TLL2: variants seen among roughly 807,000 people sequenced by gnomAD.
TLL2 encodes tolloid-like protein 2.
TLL2 carries 106 observed loss-of-function variants against 123.0 expected under a neutral mutation model. That is an observed-to-expected ratio of 0.86 (90% confidence interval 0.74 to 1.01). The LOEUF is 1.01. Among genes scored for constraint, TLL2 ranks in the 50% least tolerant of loss-of-function variants. The pLI is 0.00. For missense variants in TLL2, 1,332 were observed against 1,336.7 expected (o/e 1.00, Z 0.06); for synonymous variants, 494 against 516.8 (o/e 0.96, Z 0.60).
chr10:96,440,978 C>G (rs573440971), intron 3 of TLL2, among the ~76,000 whole-genome samples: 1 of 152,124 alleles, frequency 6.6e-6, no homozygotes, highest in East Asian at 1.9e-4. Flanking sequence ...GCCAAGAGTC[C>G]TGCATTTGAA....
intron 1 of TLL2, 85 bp downstream of exon 1, chr10:96,513,426 A>C (rs1051375419): frequency 6.2e-5 from 96 of 1,559,190 alleles, no homozygotes; most frequent in Admixed American, 3.4e-4. Context: ...GACCCGCCCC[A>C]TAGACGGTAG....
At chr10:96,468,002 C>T (rs1847145604) in intron 2 of TLL2, among the ~76,000 whole-genome samples, 1 of 152,120 alleles carries the variant, frequency 6.6e-6, no homozygotes, top group Admixed American at 6.5e-5. Flanking sequence ...TTATAAATGG[C>T]CATGTGGGGG....
At chr10:96,456,986 T>C (rs1182798593) in intron 2 of TLL2, among the ~76,000 whole-genome samples, 1 of 152,170 alleles carries the variant, frequency 6.6e-6, no homozygotes, top group Non-Finnish European at 1.5e-5. Context: ...CACGTCCAAT[T>C]TGGTAGCACA....
chr10:96,492,493 G>A (rs968889215), intron 1 of TLL2, among the ~76,000 whole-genome samples: 5 of 152,160 alleles, frequency 3.3e-5, no homozygotes, highest in South Asian at 2.1e-4. Context: ...GCATGGTGGC[G>A]GGCACCTGTA....
At chr10:96,473,652 G>A (rs764335566) in intron 2 of TLL2, among the ~76,000 whole-genome samples, 15 of 152,158 alleles carry the variant, frequency 9.9e-5, no homozygotes, top group Admixed American at 2.6e-4. Flanking sequence ...ACATGGCCCC[G>A]TGGCTCAGAA....
rs769525299 is a variant in TLL2 at position 96,480,395 on chromosome 10, G to C, written c.240C>G (p.Ala80=). 3.7e-6 allele frequency: 6 copies of C among 1,614,148 alleles called. No individual in the cohort carries two copies. Among genetic ancestry groups the C allele is most frequent in the Non-Finnish European group, 4.2e-6 (5 of 1,180,034 alleles). The change falls in exon 2 of 21, where the codon GCC becomes GCG. Residue 80 remains alanine (A), a synonymous_variant. Coordinates refer to ENST00000357947, the MANE Select transcript of TLL2 (RefSeq NM_012465.4). ...CCACTGTCTGCTTGGTCCAGTCTCT[G>C]GCTTTGTCAATGTGAAACAGCTTCA... ...DDLKLFHIDK[A]RDWTKQTVGA... is the part of the protein sequence containing the mutation.
At chr10:96,503,438 G>A (rs970747582) in intron 1 of TLL2, among the ~76,000 whole-genome samples, 1 of 152,178 alleles carries the variant, frequency 6.6e-6, no homozygotes, top group African/African-American at 2.4e-5. Context: ...AAGAGATTAA[G>A]AGACTTGGTC....
At chr10:96,421,938 T>C (rs192491078) in intron 6 of TLL2, among the ~76,000 whole-genome samples, 1 of 152,320 alleles carries the variant, frequency 6.6e-6, no homozygotes, top group Admixed American at 6.5e-5. Context: ...CAATCCTAAA[T>C]AGCTCACAAT....
In TLL2 at chr10:96,413,324, A is replaced by C; in HGVS notation, c.924-8T>G. 1 of 1,611,340 alleles carries C rather than the reference A, an allele frequency of 6.2e-7. No homozygotes were observed. Among genetic ancestry groups the C allele is most frequent in the South Asian group, 1.1e-5 (1 of 90,982 alleles). Reference sequence around the variant, plus strand: ...GTGTCTAAGAAAACTCCTCTACAGGAAGGAAAAAAGACAGAAAAAGAAAAG... The same window carrying C: ...GTGTCTAAGAAAACTCCTCTACAGGCAGGAAAAAAGACAGAAAAAGAAAAG... On this transcript the variant is annotated splice_region_variant and splice_polypyrimidine_tract_variant and intron_variant, in intron 7 of 20. Transcript: ENST00000357947.
At chr10:96,506,268 A>AG (rs1252907450) in intron 1 of TLL2, among the ~76,000 whole-genome samples, 3 of 122,588 alleles carry the variant, frequency 2.4e-5, no homozygotes, top group African/African-American at 8.8e-5. Flanking sequence ...AAAAAAAAGA[A>AG]AAAAAAAAAA....
At chr10:96,489,311 G>A (rs924210649) in intron 1 of TLL2, among the ~76,000 whole-genome samples, 1 of 152,198 alleles carries the variant, frequency 6.6e-6, no homozygotes, top group Non-Finnish European at 1.5e-5. Context: ...AACATCACCT[G>A]AGCACGGGAG....
chr10:96,424,232 G>A (rs928984419), intron 5 of TLL2, among the ~76,000 whole-genome samples: 6 of 152,066 alleles, frequency 3.9e-5, no homozygotes, highest in Non-Finnish European at 7.4e-5. Context: ...GCATGAATAA[G>A]ATATACTATT....
intron 2 of TLL2, among the ~76,000 whole-genome samples, chr10:96,476,463 T>C (rs1307880413): frequency 6.6e-6 from 1 of 151,350 alleles, no homozygotes; most frequent in East Asian, 1.9e-4. Flanking sequence ...GGTTTCACCA[T>C]GTTGGCCAGG....
intron 13 of TLL2, among the ~76,000 whole-genome samples, chr10:96,394,232 G>A (rs1225221296): frequency 6.6e-6 from 1 of 152,196 alleles, no homozygotes; most frequent in African/African-American, 2.4e-5. Context: ...GGGGGGCTGG[G>A]GAAGTGGGGT....
chr10:96,431,770 G>A (rs78499677), intron 4 of TLL2, among the ~76,000 whole-genome samples: 2,842 of 152,276 alleles, frequency 0.019, 96 homozygotes, highest in South Asian at 0.13. Context: ...TTATAAAGCA[G>A]GGTCTGGGGA....
In TLL2 at chr10:96,384,682, G is replaced by C; in HGVS notation, c.2099C>G (p.Pro700Arg). Residue 700 changes from proline (P) to arginine (R), a missense_variant, in exon 16 of 21, where the codon CCG (proline) becomes CGG (arginine). Physicochemically the swap from Pro to Arg is moderately radical, Grantham distance 103. Coordinates refer to ENST00000357947, the MANE Select transcript of TLL2 (RefSeq NM_012465.4). ...LHGRFCGSET[P>R]EVITSQSNNM... ...GTTGCTCTGCGAGGTGATGACCTCC[G>C]GCGTCTCAGAGCCGCAGAACCTGCC... The C allele has an allele frequency of 3.1e-6, 5 of 1,612,954 alleles. No individual in the cohort carries two copies. The highest frequency in any genetic ancestry group is 1.1e-5 in the South Asian group (1 of 90,872).
At chr10:96,473,041 T>C (rs1847199858) in intron 2 of TLL2, among the ~76,000 whole-genome samples, 1 of 143,754 alleles carries the variant, frequency 7.0e-6, no homozygotes, top group African/African-American at 2.7e-5. Context: ...AGAATGTGGT[T>C]CCATCAGCCC....
intron 3 of TLL2, among the ~76,000 whole-genome samples, chr10:96,436,168 GA>G (rs1846793368): frequency 6.6e-6 from 1 of 152,188 alleles, no homozygotes; most frequent in Non-Finnish European, 1.5e-5. Context: ...ATTGTACTGT[GA>G]AAGCAGCCAC....
chr10:96,488,808 G>C (rs1210756566), intron 1 of TLL2, among the ~76,000 whole-genome samples: 1 of 152,188 alleles, frequency 6.6e-6, no homozygotes, highest in Non-Finnish European at 1.5e-5. Context: ...CATAACAATG[G>C]TGTCTGAACC....
Sources: allele counts gnomAD v4.1 joint callset (sites outside exome capture counted in the v4.1 genomes callset), GRCh38; gene constraint gnomAD v4.1.1; transcripts MANE v1.5; gene names NCBI Gene and HGNC (gene_info 2026-07-23, HGNC 2026-07-21).